The following TK2 variants were observed in gnomAD, a reference collection of about 807,000 sequenced individuals.
The protein encoded by TK2 is thymidine kinase 2, also known as thymidine kinase 2, mitochondrial.
A neutral mutation model predicts 41.9 loss-of-function variants in TK2; 35 were observed. The observed-to-expected ratio is 0.84, with a 90% CI of 0.64 to 1.11. The LOEUF (loss-of-function observed/expected upper bound fraction) is 1.11. Ranked by LOEUF, TK2 falls within the 50% of genes least tolerant of loss-of-function variation. The pLI is 0.00. For synonymous variants in TK2, 128 were observed against 129.1 expected (o/e 0.99, Z 0.06); for missense variants, 320 against 351.1 (o/e 0.91, Z 0.71).
In TK2 at chr16:66,510,326, C is replaced by A. The variant is rs1964416078; in HGVS notation, c.*1642G>T. On this transcript the variant is annotated 3_prime_UTR_variant, in exon 10 of 10. Coordinates refer to ENST00000544898, the MANE Select transcript of TK2 (RefSeq NM_004614.5). The stretch of plus-strand genomic sequence containing the variant: ...TACAAATTCTCAAAGACAGACCCCA[C>A]ATGTCAAGATTCCTGGTAGCAAAGG... 1 of 152,128 alleles carries A rather than the reference C, an allele frequency of 6.6e-6. No individual in the cohort carries two copies. Among genetic ancestry groups the A allele is most frequent in the South Asian group, 2.1e-4 (1 of 4,832 alleles). 9.4% of individuals were successfully genotyped at this position (152,128 alleles called of 1,614,324 possible). A position where few individuals can be genotyped will look rare whatever the true frequency, so the allele number is the denominator to read the frequency against.
intron 2 of TK2, among the ~76,000 whole-genome samples, chr16:66,543,020 C>A (rs1259112183): frequency 6.6e-6 from 1 of 152,074 alleles, no homozygotes; most frequent in Admixed American, 6.5e-5. Flanking sequence ...TTACAGGTGC[C>A]CACCACCACA....
chr16:66,549,661 G>T, intron 1 of TK2: 1 of 1,215,652 alleles, frequency 8.2e-7, no homozygotes, highest in Non-Finnish European at 1.0e-6. Flanking sequence ...AAATGGGTCG[G>T]GGGACCGAGT....
intron 4 of TK2, among the ~76,000 whole-genome samples, chr16:66,533,738 T>G (rs60886724): frequency 1.3e-5 from 2 of 151,974 alleles, no homozygotes; most frequent in African/African-American, 4.8e-5. Context: ...CCGGGCATGG[T>G]GGCTCACGTC....
chr16:66,549,838 G>A (rs1167099162), intron 1 of TK2, 100 bp downstream of exon 1: 2 of 1,284,944 alleles, frequency 1.6e-6, no homozygotes, highest in Non-Finnish European at 2.0e-6. Context: ...CCGCGCCTCG[G>A]AAGAGGCGCT....
intron 4 of TK2, 147 bp from the exon 5 acceptor site, chr16:66,531,616 C>T (rs1323874885): frequency 6.7e-6 from 5 of 748,466 alleles, no homozygotes. Flanking sequence ...AGGGCTCTGA[C>T]AGCAGGGTGG....
chr16:66,518,101 G>A (rs1964670972), intron 6 of TK2: 1 of 579,656 alleles, frequency 1.7e-6, no homozygotes, highest in South Asian at 1.8e-5. Context: ...AAGGGCCATG[G>A]CACGGAGTGA....
At chr16:66,536,202 C>CAAA (rs35291905) in intron 4 of TK2, among the ~76,000 whole-genome samples, 7,282 of 82,914 alleles carry the variant, frequency 0.088, 308 homozygotes, top group East Asian at 0.19. Flanking sequence ...GACTCCATCT[C>CAAA]AAAAAAAAAA....
intron 3 of TK2, 63 bp downstream of exon 3, chr16:66,541,816 C>T: frequency 6.4e-7 from 1 of 1,555,506 alleles, no homozygotes; most frequent in Non-Finnish European, 8.9e-7. Context: ...TTAGTCCACA[C>T]CCTCTATAAA....
Position 66,525,195 on chromosome 16 carries a change from G to C in TK2, c.449+3799C>G, listed in dbSNP as rs527813336. 5.6e-4 allele frequency among the ~76,000 whole-genome samples: 85 copies of C among 152,212 alleles called. 1 individual carries two copies. The highest frequency in any genetic ancestry group is 1.9e-3 in the African/African-American group (78 of 41,536). On this transcript the variant is annotated intron_variant, in intron 6 of 9. Transcript: ENST00000544898. Reference sequence around the variant, plus strand: ...GGTGCAGTTCACAAGTGAATCACTTGCCCTGGGAAGGTGTTTTGAATGCCG... The same window carrying C: ...GGTGCAGTTCACAAGTGAATCACTTCCCCTGGGAAGGTGTTTTGAATGCCG...
chr16:66,539,602 G>GAAAAAAA (rs775031607), intron 3 of TK2, among the ~76,000 whole-genome samples: 1 of 49,252 alleles, frequency 2.0e-5, no homozygotes. Context: ...CTCCATCTCA[G>GAAAAAAA]AAAAAAAAAA....
At chr16:66,518,472 G>A (rs960949954) in intron 6 of TK2, among the ~76,000 whole-genome samples, 2 of 152,244 alleles carry the variant, frequency 1.3e-5, no homozygotes, top group African/African-American at 4.8e-5. Flanking sequence ...TAAGGCTGTA[G>A]TGGGTCATGA....
chr16:66,549,310 T>C (rs1252508526), intron 1 of TK2: 3 of 1,196,204 alleles, frequency 2.5e-6, no homozygotes, highest in East Asian at 4.5e-5. Context: ...GTTAAGCAAG[T>C]GGAAAGGCAG....
chr16:66,522,970 G>A (rs1303648151), intron 6 of TK2, among the ~76,000 whole-genome samples: 11 of 152,232 alleles, frequency 7.2e-5, no homozygotes, highest in Non-Finnish European at 1.6e-4. Flanking sequence ...CATAACTGCA[G>A]TTACATTCTG....
intron 1 of TK2, chr16:66,549,270 G>A (rs986363684): frequency 6.1e-6 from 8 of 1,301,580 alleles, no homozygotes; most frequent in Non-Finnish European, 7.8e-6. Flanking sequence ...CATTTTCCAC[G>A]TTATTTATTT....
chr16:66,522,112 C>A (rs141141482), intron 6 of TK2, among the ~76,000 whole-genome samples: 1 of 152,310 alleles, frequency 6.6e-6, no homozygotes, highest in African/African-American at 2.4e-5. Context: ...CTGGCTCTCC[C>A]TACCCCCAAA....
chr16:66,531,951 G>T (rs1439321148), intron 4 of TK2, among the ~76,000 whole-genome samples: 1 of 152,040 alleles, frequency 6.6e-6, no homozygotes, highest in Non-Finnish European at 1.5e-5. Context: ...AGACACTGGG[G>T]ACTCCTAGAG....
intron 9 of TK2, 79 bp downstream of exon 9, chr16:66,513,652 G>T: frequency 7.5e-7 from 1 of 1,340,392 alleles, no homozygotes; most frequent in Non-Finnish European, 1.1e-6. Context: ...GCCCTCCCCT[G>T]TCTGCAAGGT....
At chr16:66,522,269 C>G (rs1341848302) in intron 6 of TK2, among the ~76,000 whole-genome samples, 1 of 152,164 alleles carries the variant, frequency 6.6e-6, no homozygotes, top group Non-Finnish European at 1.5e-5. Flanking sequence ...TAGACAGGAG[C>G]TGGGAAGAAC....
Position 66,549,943 on chromosome 16 carries a change from G to T in TK2, c.119C>A (p.Pro40His). 7.4e-7 allele frequency: 1 copy of T among 1,358,284 alleles called. No homozygotes were observed. Among genetic ancestry groups the T allele is most frequent in the South Asian group, 1.9e-5 (1 of 52,442 alleles). The allele number at this position is 1,358,284 out of a possible 1,614,324, so 84.1% of individuals were successfully genotyped here. ...GPRRVQRRAW[P>H]PDKEQEKEKK... ...GGGACCAAGACGCGCGTTACCGGGAGGCCAGGCCCGGCGCTGCACCCTCCG... is the reference window on the plus strand; with the variant it reads ...GGGACCAAGACGCGCGTTACCGGGATGCCAGGCCCGGCGCTGCACCCTCCG... The change falls in exon 1 of 10, where the codon CCT becomes CAT. Residue 40 changes from proline (P) to histidine (H), a missense_variant. Coordinates refer to ENST00000544898, the MANE Select transcript of TK2 (RefSeq NM_004614.5).
Sources: gnomAD v4.1 joint callset for allele counts (sites outside exome capture counted in the v4.1 genomes callset) on GRCh38, gnomAD v4.1.1 for gene constraint, MANE v1.5 for transcripts, NCBI Gene and HGNC (gene_info 2026-07-23, HGNC 2026-07-21) for gene names.